The following MGST1 variants were observed in gnomAD, a reference collection of about 807,000 sequenced individuals.
MGST1 encodes microsomal glutathione S-transferase 1, also known as glutathione S-transferase 12.
Under a neutral mutation model 8.9 loss-of-function variants are expected in MGST1, and 5 were observed. The observed-to-expected ratio is 0.56, with a 90% CI of 0.29 to 1.19. The LOEUF (loss-of-function observed/expected upper bound fraction) is 1.19, where lower values mean the gene tolerates loss of function less well. MGST1 is among the 50% of genes most tolerant of loss of function. MGST1 has a pLI of 0.08. For synonymous variants in MGST1, 54 were observed against 67.8 expected, an observed-to-expected ratio of 0.80 and a Z score of 1.00; for missense variants, 182 against 187.4, an observed-to-expected ratio of 0.97 and a Z score of 0.17.
rs915431704 is a variant in MGST1, at chr12:16,503,218, T to G, written n.483-86310T>G. Among the ~76,000 whole-genome samples the G allele has an allele frequency of 6.6e-6, 1 of 152,130 alleles. No homozygotes were observed. Among genetic ancestry groups the G allele is most frequent in the African/African-American group, 2.4e-5 (1 of 41,432 alleles). Reference sequence around the variant, plus strand: ...CTTATTGTTATTCCCCACAATAGTTTGGGTTGGACAGGCAATGTAAATATG... The same window carrying G: ...CTTATTGTTATTCCCCACAATAGTTGGGGTTGGACAGGCAATGTAAATATG... On this transcript the variant is annotated intron_variant and non_coding_transcript_variant, in intron 4 of 4. Coordinates refer to the MGST1 transcript ENST00000538857. The surrounding 1 kb of genome is among the most constrained non-coding windows in gnomAD (Gnocchi z 4.8).
At position 16,401,629 on chromosome 12, in the gene MGST1, G is replaced by A. The variant is rs1021742421; in HGVS notation, n.778+18025G>A. On this transcript the variant is annotated intron_variant and non_coding_transcript_variant, in intron 1 of 1. Coordinates refer to the MGST1 transcript ENST00000359720. This position sits in a 1 kb window ranked among gnomAD's most constrained non-coding sequence, Gnocchi z 4.3. Reference sequence around the variant, plus strand: ...CAAGTGATAGCCCCAAAATACATGTGATTCTTGTCACTCACCACACTGAAC... The same window carrying A: ...CAAGTGATAGCCCCAAAATACATGTAATTCTTGTCACTCACCACACTGAAC... 1.3e-6 allele frequency: 2 copies of A among 1,582,558 alleles called. No individual in the cohort carries two copies. Among genetic ancestry groups the A allele is most frequent in the Non-Finnish European group, 1.7e-6 (2 of 1,151,286 alleles).
intron 1 of MGST1, among the ~76,000 whole-genome samples, chr12:16,385,692 C>CTTT (rs11290450): frequency 7.2e-6 from 1 of 138,402 alleles, no homozygotes; most frequent in Non-Finnish European, 1.6e-5. Flanking sequence ...AAAGGGCTTT[C>CTTT]TTTTTTTTTT....
chr12:16,481,836 T>C (rs1941366335), intron 4 of MGST1, among the ~76,000 whole-genome samples: 1 of 152,002 alleles, frequency 6.6e-6, no homozygotes, highest in Non-Finnish European at 1.5e-5. Context: ...ACATTCAAGG[T>C]GAAATACTGA....
At chr12:16,466,847 T>C (rs1215444941) in intron 4 of MGST1, among the ~76,000 whole-genome samples, 2 of 152,144 alleles carry the variant, frequency 1.3e-5, no homozygotes, top group Non-Finnish European at 2.9e-5. Flanking sequence ...ATTTCCTCTC[T>C]TTTTTTCCCT....
intron 1 of MGST1, among the ~76,000 whole-genome samples, chr12:16,349,617 G>A (rs1939364186): frequency 6.6e-6 from 1 of 152,050 alleles, no homozygotes; most frequent in African/African-American, 2.4e-5. Flanking sequence ...AGGATTTTTC[G>A]GGTCAAGCGA....
At chr12:16,523,582 G>C (rs950855807) in intron 4 of MGST1, among the ~76,000 whole-genome samples, 2 of 151,952 alleles carry the variant, frequency 1.3e-5, no homozygotes, top group African/African-American at 4.8e-5. Context: ...TAAAAAAAAT[G>C]CTTCACTGTA....
downstream of MGST1, among the ~76,000 whole-genome samples, chr12:16,381,185 A>T (rs1409791357): frequency 6.6e-6 from 1 of 152,142 alleles, no homozygotes; most frequent in East Asian, 1.9e-4. Flanking sequence ...TGTCATTATG[A>T]TGTTAGCTGG....
Position 16,517,504 on chromosome 12 carries a change from T to G in MGST1, n.483-72024T>G, listed in dbSNP as rs1203244031. ...TTGGACTTGCCAGCCTCCAAAATCA[T>G]GAGCCAAATAAAATATTATTGTTTG... On this transcript the variant is annotated intron_variant and non_coding_transcript_variant, in intron 4 of 4. Transcript: ENST00000538857. The surrounding 1 kb of genome is among the most constrained non-coding windows in gnomAD (Gnocchi z 4.2). 6.6e-6 allele frequency among the ~76,000 whole-genome samples: 1 copy of G among 152,186 alleles called. No homozygotes were observed. Among genetic ancestry groups the G allele is most frequent in the Admixed American group, 6.5e-5 (1 of 15,282 alleles).
intron 4 of MGST1, among the ~76,000 whole-genome samples, chr12:16,511,593 T>C (rs1161645806): frequency 1.3e-5 from 2 of 152,208 alleles, no homozygotes; most frequent in Non-Finnish European, 2.9e-5. Context: ...TAGAAGGCAT[T>C]GTTCTTTATG....
Position 16,491,237 on chromosome 12 carries a change from T to G in MGST1, n.483-98291T>G, listed in dbSNP as rs139817576. 2.6e-3 allele frequency among the ~76,000 whole-genome samples: 403 copies of G among 152,334 alleles called. 1 individual carries two copies. Among genetic ancestry groups the G allele is most frequent in the African/African-American group, 9.4e-3 (391 of 41,570 alleles). On this transcript the variant is annotated intron_variant and non_coding_transcript_variant, in intron 4 of 4. Coordinates refer to the MGST1 transcript ENST00000538857. ...ATATTTAATATTTGACATATCACCC[T>G]GATCCCAATTACCTTATGTGTAAAA...
intron 1 of MGST1, among the ~76,000 whole-genome samples, chr12:16,425,798 T>C (rs1051481311): frequency 6.6e-6 from 1 of 152,232 alleles, no homozygotes; most frequent in Non-Finnish European, 1.5e-5. Flanking sequence ...AGAGTCAAAG[T>C]CCTTATTTTC....
intron 4 of MGST1, among the ~76,000 whole-genome samples, chr12:16,494,422 C>T (rs1408923493): frequency 1.3e-5 from 2 of 152,074 alleles, no homozygotes; most frequent in Non-Finnish European, 2.9e-5. Flanking sequence ...CTTTTGTACA[C>T]TTTGTGTATT....
chr12:16,448,079 A>C (rs1941096363), intron 4 of MGST1, among the ~76,000 whole-genome samples: 1 of 151,964 alleles, frequency 6.6e-6, no homozygotes, highest in South Asian at 2.1e-4. Flanking sequence ...GAAGCTTATA[A>C]AAAGGCCAAA....
chr12:16,527,486 G>A (rs1941694713), intron 4 of MGST1, among the ~76,000 whole-genome samples: 1 of 151,980 alleles, frequency 6.6e-6, no homozygotes, highest in Non-Finnish European at 1.5e-5. Context: ...GGAATTAGTA[G>A]GTTATGGAAT....
chr12:16,531,184 TAA>T (rs1941720760), intron 4 of MGST1, among the ~76,000 whole-genome samples: 1 of 86,738 alleles, frequency 1.2e-5, no homozygotes, highest in South Asian at 3.9e-4. Flanking sequence ...AAAAAAAAAG[TAA>T]TGATCATGGT....
At chr12:16,514,053 G>C (rs1941594764) in intron 4 of MGST1, 1 of 387,392 alleles carries the variant, frequency 2.6e-6, no homozygotes, top group Non-Finnish European at 5.0e-6. Context: ...CTGGTCCCAA[G>C]CAGCAGAAGG....
rs11315617 is a variant in MGST1, at chr12:16,482,634, G to GA, written n.482+99042dup. 0.46 allele frequency among the ~76,000 whole-genome samples: 67,141 copies of GA among 145,892 alleles called. 16,631 individuals are homozygous for GA. Among genetic ancestry groups the GA allele is most frequent in the Non-Finnish European group, 0.58 (38,589 of 66,560 alleles). ...TTACAGAGCAAGACTCTGTCTGGAA[G>GA]AAAAAAAAAAAAGAGTGAGAACATG... On this transcript the variant is annotated intron_variant and non_coding_transcript_variant, in intron 4 of 4. Coordinates refer to the MGST1 transcript ENST00000538857. The surrounding 1 kb of genome is among the most constrained non-coding windows in gnomAD (Gnocchi z 4.2).
chr12:16,423,657 T>C (rs913504844), intron 1 of MGST1, among the ~76,000 whole-genome samples: 1 of 152,258 alleles, frequency 6.6e-6, no homozygotes, highest in African/African-American at 2.4e-5. Flanking sequence ...ATTATGATGC[T>C]AATTACCTGT....
At chr12:16,435,475 C>A (rs1441862098) in intron 1 of MGST1, among the ~76,000 whole-genome samples, 1 of 151,902 alleles carries the variant, frequency 6.6e-6, no homozygotes. Flanking sequence ...AAACATATAT[C>A]ATTTCAATCA....
Sources: allele counts gnomAD v4.1 joint callset (sites outside exome capture counted in the v4.1 genomes callset), GRCh38; gene constraint gnomAD v4.1.1; non-coding constraint Gnocchi (gnomAD v3.1); transcripts MANE v1.5; gene names NCBI Gene and HGNC (gene_info 2026-07-23, HGNC 2026-07-21).